HIP1: variants seen among roughly 807,000 people sequenced by gnomAD.
The protein encoded by HIP1 is huntingtin interacting protein 1.
Under a neutral mutation model 147.6 loss-of-function variants are expected in HIP1, and 65 were observed. The observed-to-expected ratio is 0.44, with a 90% CI of 0.36 to 0.54. The LOEUF (loss-of-function observed/expected upper bound fraction) is 0.54, where lower values mean the gene tolerates loss of function less well. Among genes scored for constraint, HIP1 ranks in the 20% least tolerant of loss-of-function variants. HIP1 has a pLI of 0.00. For missense variants in HIP1, 1,061 were observed against 1,299.6 expected, an observed-to-expected ratio of 0.82 and a Z score of 2.82; for synonymous variants, 479 against 504.0, an observed-to-expected ratio of 0.95 and a Z score of 0.67.
chr7:75,644,538 G>A (rs980179382), intron 1 of HIP1, among the ~76,000 whole-genome samples: 10 of 152,132 alleles, frequency 6.6e-5, no homozygotes, highest in Middle Eastern at 3.4e-3. Context: ...CAGGTGATCC[G>A]CCTGCCTCAG....
intron 27 of HIP1, among the ~76,000 whole-genome samples, 160 bp from the exon 28 acceptor site, chr7:75,543,134 C>G (rs1460217519): frequency 1.3e-5 from 2 of 152,188 alleles, no homozygotes; most frequent in Non-Finnish European, 2.9e-5. Context: ...CCTGACATAT[C>G]TATCATATAA....
At chr7:75,708,757 G>A (rs1484489110) in intron 1 of HIP1, among the ~76,000 whole-genome samples, 1 of 151,980 alleles carries the variant, frequency 6.6e-6, no homozygotes, top group Non-Finnish European at 1.5e-5. Context: ...AATTACTATA[G>A]TTTTATAATA....
intron 1 of HIP1, among the ~76,000 whole-genome samples, chr7:75,682,018 C>CTTTTTT (rs71098063): frequency 1.2e-5 from 1 of 84,214 alleles, no homozygotes; most frequent in Non-Finnish European, 2.1e-5. Flanking sequence ...GCAACAACCT[C>CTTTTTT]TTTTTTTTTT....
chr7:75,594,007 C>A (rs1393553685), intron 2 of HIP1, among the ~76,000 whole-genome samples: 1 of 151,338 alleles, frequency 6.6e-6, no homozygotes, highest in Non-Finnish European at 1.5e-5. Context: ...CAGGGTGGAG[C>A]GCGGTGGCTC....
chr7:75,726,752 G>A (rs1207714267), intron 1 of HIP1, among the ~76,000 whole-genome samples: 1 of 142,906 alleles, frequency 7.0e-6, no homozygotes, highest in Non-Finnish European at 1.5e-5. Flanking sequence ...CCACCAGGCT[G>A]GAGTGCAGTG....
rs587630225 is a variant in HIP1, at chr7:75,559,826, G to A, written c.1281C>T (p.Ala427=). ...CTGCCCGCAGGAATTCACAGTCGTC[G>A]GCCGCCTGCTGCCGCAGGTGCTGCT... ...AEQQHLRQQA[A]DDCEFLRAEL... The change falls in exon 14 of 31, where the codon GCC becomes GCT. Residue 427 remains alanine, a synonymous_variant. Coordinates refer to ENST00000336926, the MANE Select transcript of HIP1 (RefSeq NM_005338.7). 1.4e-4 allele frequency: 220 copies of A among 1,612,682 alleles called. 3 individuals are homozygous for A. In the South Asian group the frequency reaches 1.9e-3, roughly 14 times the overall value.
chr7:75,694,557 C>A lies in HIP1; in HGVS notation c.120+44244G>T, dbSNP rs371470620. On this transcript the variant is annotated intron_variant, in intron 1 of 30. Transcript: ENST00000336926. ...ACAGGGTCTCACTCTGTCTCCCAGGCTGGAGTGCAGTGGTGTGATCACAGC... is the reference window on the plus strand; with the variant it reads ...ACAGGGTCTCACTCTGTCTCCCAGGATGGAGTGCAGTGGTGTGATCACAGC... 1.6e-4 allele frequency among the ~76,000 whole-genome samples: 23 copies of A among 141,290 alleles called. No homozygotes were observed. The East Asian group carries it at 4.3e-3, about 26-fold the overall frequency. The allele number at this position is 141,290 out of a possible 152,430, so 92.7% of individuals were successfully genotyped here.
intron 1 of HIP1, among the ~76,000 whole-genome samples, chr7:75,737,569 C>A (rs1802065614): frequency 6.6e-6 from 1 of 152,108 alleles, no homozygotes; most frequent in Non-Finnish European, 1.5e-5. Flanking sequence ...TGGTCTCAAA[C>A]TCCTGACGTC....
At chr7:75,726,708 T>TC in intron 1 of HIP1, among the ~76,000 whole-genome samples, 1 of 150,848 alleles carries the variant, frequency 6.6e-6, no homozygotes, top group Non-Finnish European at 1.5e-5. Flanking sequence ...TTTTTCTTTT[T>TC]TTTTTTTTTT....
chr7:75,586,383 G>A (rs1554499643), intron 5 of HIP1, among the ~76,000 whole-genome samples: 1 of 151,914 alleles, frequency 6.6e-6, no homozygotes, highest in African/African-American at 2.4e-5. Context: ...TGTAATTTTA[G>A]TAGAGACGGG....
intron 1 of HIP1, among the ~76,000 whole-genome samples, chr7:75,734,244 T>A (rs1801939246): frequency 1.5e-5 from 2 of 134,058 alleles, no homozygotes; most frequent in African/African-American, 6.0e-5. Context: ...AGACTCTGTC[T>A]CAAATAAATA....
chr7:75,624,282 A>G (rs1219749228), intron 1 of HIP1, among the ~76,000 whole-genome samples: 2 of 152,194 alleles, frequency 1.3e-5, no homozygotes, highest in African/African-American at 2.4e-5. Flanking sequence ...AGTTTTCTAA[A>G]GTGGAAAGAG....
rs587775380 is a variant in HIP1 at position 75,599,234 on chromosome 7, T to C, written c.134A>G (p.Asn45Ser). 169 of 1,612,352 alleles carry C rather than the reference T, an allele frequency of 1.0e-4. No homozygotes were observed. Among genetic ancestry groups the C allele is most frequent in the Non-Finnish European group, 1.4e-4 (161 of 1,178,382 alleles). The change falls in exon 2 of 31, where the codon AAT becomes AGT. Residue 45 changes from asparagine (N) to serine (S), a missense_variant. Transcript: ENST00000336926. ...SFERTQTVSI[N>S]KAINTQEVAV... The stretch of plus-strand genomic sequence containing the variant: ...CACTTCCTGCGTATTAATGGCCTTA[T>C]TGATGCTGACAGTCTGAAAAACAAG...
chr7:75,738,288 A>G (rs1802089323), intron 1 of HIP1, among the ~76,000 whole-genome samples: 1 of 142,416 alleles, frequency 7.0e-6, no homozygotes, highest in African/African-American at 2.6e-5. Flanking sequence ...GCCAAGCAAG[A>G]GGCATCGAGA....
chr7:75,588,648 C>G (rs1477768833), intron 4 of HIP1, among the ~76,000 whole-genome samples: 3 of 151,940 alleles, frequency 2.0e-5, no homozygotes, highest in Non-Finnish European at 2.9e-5. Context: ...GTGGTGCACA[C>G]CTGTTTTCCC....
intron 8 of HIP1, among the ~76,000 whole-genome samples, chr7:75,569,935 C>T (rs995264394): frequency 1.3e-5 from 2 of 148,286 alleles, no homozygotes; most frequent in Admixed American, 6.7e-5. Context: ...GAATAAAGTA[C>T]GAACTTTTTT....
chr7:75,617,566 G>T (rs1223349730), intron 1 of HIP1, among the ~76,000 whole-genome samples: 2 of 152,072 alleles, frequency 1.3e-5, no homozygotes, highest in African/African-American at 4.8e-5. Context: ...CCTTTTCCCC[G>T]TATGCCAGCT....
At chr7:75,619,449 C>T (rs1360962733) in intron 1 of HIP1, among the ~76,000 whole-genome samples, 1 of 147,526 alleles carries the variant, frequency 6.8e-6, no homozygotes, top group African/African-American at 2.6e-5. Flanking sequence ...TTGCTTAAAC[C>T]CAGAAGGCAG....
intron 1 of HIP1, among the ~76,000 whole-genome samples, chr7:75,690,329 G>T (rs1800406164): frequency 6.6e-6 from 1 of 151,988 alleles, no homozygotes; most frequent in African/African-American, 2.4e-5. Context: ...TTTCTCTGAA[G>T]AAGACATACA....
Sources: gnomAD v4.1 joint callset for allele counts (sites outside exome capture counted in the v4.1 genomes callset) on GRCh38, gnomAD v4.1.1 for gene constraint, MANE v1.5 for transcripts, NCBI Gene and HGNC (gene_info 2026-07-23, HGNC 2026-07-21) for gene names.